CLCA2: variants seen among roughly 807,000 people sequenced by gnomAD.
CLCA2 encodes chloride channel accessory 2, also known as calcium-activated chloride channel regulator 2.
Under a neutral mutation model 82.9 loss-of-function variants are expected in CLCA2, and 85 were observed. The observed-to-expected ratio is 1.03, with a 90% CI of 0.86 to 1.23. CLCA2 has a LOEUF of 1.23. Ranked by LOEUF, CLCA2 falls within the 50% of genes most tolerant of loss-of-function variation. CLCA2 has a pLI of 0.00. For missense variants in CLCA2, 1,089 were observed against 1,124.8 expected (o/e 0.97, Z 0.45); for synonymous variants, 421 against 391.7 (o/e 1.07, Z -0.88).
chr1:86,454,002 C>T (rs1405812441), intron 13 of CLCA2, among the ~76,000 whole-genome samples: 4 of 152,112 alleles, frequency 2.6e-5, no homozygotes, highest in African/African-American at 4.8e-5. Context: ...CTCATGCAAA[C>T]CTTGGTGCAT....
chr1:86,433,335 C>T (rs1007600403), intron 5 of CLCA2, among the ~76,000 whole-genome samples: 7 of 152,218 alleles, frequency 4.6e-5, no homozygotes, highest in Middle Eastern at 3.2e-3. Context: ...GTACAGCCCA[C>T]ACATGCCTCT....
At chr1:86,440,858 G>A (rs1043345052) in intron 8 of CLCA2, among the ~76,000 whole-genome samples, 14 of 152,070 alleles carry the variant, frequency 9.2e-5, no homozygotes, top group African/African-American at 3.1e-4. Flanking sequence ...CTGAGATCAC[G>A]CTACTGCACT....
chr1:86,428,510 T>G lies in CLCA2; in HGVS notation c.417T>G (p.Ile139Met). 6.2e-7 allele frequency: 1 copy of G among 1,613,762 alleles called. No homozygotes were observed. Residue 139 changes from isoleucine (I) to methionine (M), a missense_variant, in exon 3 of 14, where the codon ATT becomes ATG. Coordinates refer to ENST00000370565, the MANE Select transcript of CLCA2 (RefSeq NM_006536.7). ...YRGCGKEGKY[I>M]HFTPNFLLND... ...GGTGTGGAAAAGAGGGAAAATACATTCATTTCACACCTAATTTCCTACTGA... is the reference window on the plus strand; with the variant it reads ...GGTGTGGAAAAGAGGGAAAATACATGCATTTCACACCTAATTTCCTACTGA...
intron 5 of CLCA2, among the ~76,000 whole-genome samples, chr1:86,433,157 G>C (rs1662534435): frequency 1.3e-5 from 2 of 152,190 alleles, no homozygotes; most frequent in African/African-American, 4.8e-5. Context: ...AAGCAGCCTG[G>C]AACAGCCAAT....
intron 10 of CLCA2, among the ~76,000 whole-genome samples, chr1:86,445,010 C>T (rs1033907661): frequency 1.3e-5 from 2 of 152,150 alleles, no homozygotes; most frequent in Non-Finnish European, 2.9e-5. Context: ...GATTCTCCTG[C>T]CTCAGCCTCC....
intron 4 of CLCA2, 41 bp downstream of exon 4, chr1:86,431,011 ACT>A: frequency 1.4e-6 from 2 of 1,410,706 alleles, no homozygotes; most frequent in South Asian, 2.5e-5. Flanking sequence ...TATTTATTTG[ACT>A]CTAAAATTGC....
rs1353780049 is a variant in CLCA2 at position 86,424,226 on chromosome 1, G to A, written c.-22G>A. ...TGTATGCAGCAGGCTCAGTGTGAGT[G>A]AACTGGAGGCTTCTCTACAACATGA... On this transcript the variant is annotated 5_prime_UTR_variant, in exon 1 of 14. It removes the in-frame stop codon of an upstream open reading frame in the 5' UTR. Coordinates refer to ENST00000370565, the MANE Select transcript of CLCA2 (RefSeq NM_006536.7). 2 of 1,602,596 alleles carry A rather than the reference G, an allele frequency of 1.2e-6. No homozygotes were observed. Among genetic ancestry groups the A allele is most frequent in the East Asian group, 2.2e-5 (1 of 44,810 alleles).
chr1:86,430,609 G>T (rs1410967533), intron 3 of CLCA2, among the ~76,000 whole-genome samples: 1 of 152,158 alleles, frequency 6.6e-6, no homozygotes, highest in Non-Finnish European at 1.5e-5. Context: ...TCAAATAGAT[G>T]TGCAACAAGT....
chr1:86,455,371 T>C lies in CLCA2; in HGVS notation c.2676T>C (p.Ser892=), dbSNP rs748237691. The change falls in exon 14 of 14, where the codon TCT becomes TCC. Residue 892 remains serine (S), a synonymous_variant. Transcript: ENST00000370565. ...AQAPLFIPPN[S]DPVPARDYLI... Reference sequence around the variant, plus strand: ...CGCCTCTGTTTATTCCCCCCAATTCTGATCCTGTACCTGCCAGAGATTATC... The same window carrying C: ...CGCCTCTGTTTATTCCCCCCAATTCCGATCCTGTACCTGCCAGAGATTATC... 4 of 1,611,388 alleles carry C rather than the reference T, an allele frequency of 2.5e-6. No individual in the cohort carries two copies. Among genetic ancestry groups the C allele is most frequent in the African/African-American group, 2.7e-5 (2 of 74,796 alleles).
At chr1:86,430,993 T>C (rs770326614) in intron 4 of CLCA2, 23 bp downstream of exon 4, 14 of 1,496,506 alleles carry the variant, frequency 9.4e-6, no homozygotes, top group Middle Eastern at 1.7e-4. Context: ...TTTCATGTTA[T>C]AATTCATTAT....
chr1:86,436,735 T>C (rs1662616353), intron 6 of CLCA2, among the ~76,000 whole-genome samples: 1 of 152,026 alleles, frequency 6.6e-6, no homozygotes, highest in South Asian at 2.1e-4. Context: ...TTTTTTGAGA[T>C]GGAGTTTTGC....
At position 86,455,479 on chromosome 1, in the gene CLCA2, C is replaced by T. The variant is rs1198061790; in HGVS notation, c.2784C>T (p.Ser928=). The T allele has an allele frequency of 2.6e-6, 4 of 1,510,596 alleles. No individual in the cohort carries two copies. The highest frequency in any genetic ancestry group is 3.5e-6 in the Non-Finnish European group (4 of 1,132,278). 93.6% of individuals were successfully genotyped at this position (1,510,596 alleles called of 1,614,324 possible). The stretch of plus-strand genomic sequence containing the variant: ...TAGTTGTGACACATCATACTTTAAG[C>T]AGGAAAAAGAGAGCAGACAAGAAAG... ...LIIVVTHHTL[S]RKKRADKKEN... is the part of the protein sequence containing the mutation. The change falls in exon 14 of 14, where the codon AGC becomes AGT. Residue 928 remains serine (S), a synonymous_variant. Transcript: ENST00000370565.
In CLCA2 at chr1:86,441,532, C is replaced by T; in HGVS notation, c.1477C>T (p.Gln493Ter). ...ISSGTGDIFQ[Q>*]HIQLESTGEN... Reference sequence around the variant, plus strand: ...CTCTGGAACTGGAGACATTTTCCAGCAACATATTCAGGTCAGAATTTTCTC... The same window carrying T: ...CTCTGGAACTGGAGACATTTTCCAGTAACATATTCAGGTCAGAATTTTCTC... Residue 493 changes from glutamine to a stop codon, truncating the protein, a stop_gained, in exon 9 of 14, where the codon CAA becomes TAA. Coordinates refer to ENST00000370565, the MANE Select transcript of CLCA2 (RefSeq NM_006536.7). LOFTEE classifies it high-confidence loss of function. 6.2e-7 allele frequency: 1 copy of T among 1,605,784 alleles called. No homozygotes were observed. The highest frequency in any genetic ancestry group is 8.5e-7 in the Non-Finnish European group (1 of 1,173,054).
intron 11 of CLCA2, chr1:86,448,111 T>C: frequency 4.2e-6 from 1 of 237,160 alleles, no homozygotes; most frequent in East Asian, 9.6e-5. Flanking sequence ...CCTCTAAGAG[T>C]CACTAGCTTT....
chr1:86,443,963 C>T lies in CLCA2; in HGVS notation c.1665C>T (p.Thr555=), dbSNP rs146625394. Residue 555 remains threonine, a synonymous_variant, in exon 10 of 14, where the codon ACC becomes ACT. Transcript: ENST00000370565. ...AATACTACACAAATAATTTTATCAC[C>T]AATCTAACTTTTCGGACAGCTAGTC... ...GRKYYTNNFI[T]NLTFRTASLW... 1.4e-4 allele frequency: 227 copies of T among 1,613,504 alleles called. 1 individual carries two copies. In the African/African-American group the frequency reaches 2.5e-3, roughly 18 times the overall value.
At chr1:86,424,529 T>G in intron 1 of CLCA2, 96 bp downstream of exon 1, 1 of 1,036,140 alleles carries the variant, frequency 9.7e-7, no homozygotes, top group Non-Finnish European at 1.4e-6. Context: ...TGTATTTGAG[T>G]AATACAGAGA....
At chr1:86,450,839 C>T in intron 12 of CLCA2, 106 bp downstream of exon 12, 2 of 1,020,358 alleles carry the variant, frequency 2.0e-6, no homozygotes, top group Non-Finnish European at 2.7e-6. Context: ...GAGAGAATTT[C>T]AAAACTCTTT....
At chr1:86,442,684 C>T (rs773817869) in intron 9 of CLCA2, among the ~76,000 whole-genome samples, 36 of 151,102 alleles carry the variant, frequency 2.4e-4, no homozygotes, top group African/African-American at 8.0e-4. Context: ...GAGCAATTAA[C>T]GAAGCATTAC....
chr1:86,446,477 C>T (rs1049319094), intron 10 of CLCA2, among the ~76,000 whole-genome samples: 1 of 152,162 alleles, frequency 6.6e-6, no homozygotes, highest in Non-Finnish European at 1.5e-5. Context: ...TGTATCAAAA[C>T]ATTTATTACA....
Sources: allele counts gnomAD v4.1 joint callset (sites outside exome capture counted in the v4.1 genomes callset), GRCh38; gene constraint gnomAD v4.1.1; transcripts MANE v1.5; gene names NCBI Gene and HGNC (gene_info 2026-07-23, HGNC 2026-07-21).